The following DNAH11 variants were observed in gnomAD, a reference collection of about 807,000 sequenced individuals.
The protein encoded by DNAH11 is axonemal beta dynein heavy chain 11.
In DNAH11, 442 loss-of-function variants were observed where a neutral mutation model predicts 526.0. The observed-to-expected ratio is 0.84, with a 90% CI of 0.78 to 0.91. The LOEUF (loss-of-function observed/expected upper bound fraction) is 0.91, where lower values mean the gene tolerates loss of function less well. Ranked by LOEUF, DNAH11 falls within the 40% of genes least tolerant of loss-of-function variation. The probability of loss-of-function intolerance (pLI) is 0.00; values close to 1 mark genes in which losing one functional copy is unlikely to be tolerated. For synonymous variants in DNAH11, 2,461 were observed against 1,935.9 expected, an observed-to-expected ratio of 1.27 and a Z score of -7.12; for missense variants, 6,989 against 5,448.7, an observed-to-expected ratio of 1.28 and a Z score of -8.90.
At chr7:21,640,115 A>C (rs1203982993) in intron 28 of DNAH11, among the ~76,000 whole-genome samples, 1 of 152,226 alleles carries the variant, frequency 6.6e-6, no homozygotes, top group African/African-American at 2.4e-5. Context: ...TTTGGGCAAC[A>C]GGTTCAGGGT....
chr7:21,779,036 A>G lies in DNAH11; in HGVS notation c.9415A>G (p.Thr3139Ala). The change falls in exon 57 of 82, where the codon ACA becomes GCA. Residue 3139 changes from threonine (T) to alanine (A), a missense_variant. By Grantham distance (58) the Thr-to-Ala change is moderately conservative. Coordinates refer to ENST00000409508, the MANE Select transcript of DNAH11 (RefSeq NM_001277115.2). ...AAATCATGATGCCGAAGCTCTGATC[A>G]CAAAGATCGGCCTTCAGACGGAGAA... is the stretch of plus-strand genomic sequence containing the variant. ...LRNHDAEALI[T>A]KIGLQTEKVS... 6.2e-7 allele frequency: 1 copy of G among 1,613,544 alleles called. No individual in the cohort carries two copies. The highest frequency in any genetic ancestry group is 8.5e-7 in the Non-Finnish European group (1 of 1,179,632).
intron 21 of DNAH11, among the ~76,000 whole-genome samples, chr7:21,615,626 A>G (rs1272183009): frequency 2.6e-5 from 4 of 151,964 alleles, no homozygotes; most frequent in Non-Finnish European, 4.4e-5. Context: ...CTATGCTTAT[A>G]CTTACATGCC....
chr7:21,550,290 C>CA (rs1782972793), intron 2 of DNAH11, among the ~76,000 whole-genome samples: 2 of 152,062 alleles, frequency 1.3e-5, no homozygotes. Context: ...TCTGGCTCAG[C>CA]ACCAAGTTGC....
At chr7:21,581,221 C>G (rs73070418) in intron 8 of DNAH11, among the ~76,000 whole-genome samples, 1 of 152,176 alleles carries the variant, frequency 6.6e-6, no homozygotes, top group Non-Finnish European at 1.5e-5. Flanking sequence ...CCTGGGACTT[C>G]TTTACTGGAG....
chr7:21,573,894 G>T (rs1031552193), intron 8 of DNAH11, among the ~76,000 whole-genome samples: 1 of 152,158 alleles, frequency 6.6e-6, no homozygotes, highest in African/African-American at 2.4e-5. Flanking sequence ...TTAAAGAAAT[G>T]ATCACTGGTA....
rs1485771034 is a variant in DNAH11 at position 21,764,714 on chromosome 7, C to T, written c.8941-714C>T. 2.0e-5 allele frequency among the ~76,000 whole-genome samples: 3 copies of T among 152,196 alleles called. No individual in the cohort carries two copies. In the East Asian group the frequency reaches 5.8e-4, roughly 29 times the overall value. On this transcript the variant is annotated intron_variant, in intron 54 of 81. Transcript: ENST00000409508. ...CATAGCCAGATGTCACAGCCACCCT[C>T]AGGACTCCGACAGAATCCCTTGTGT...
At position 21,589,520 on chromosome 7, in the gene DNAH11, G is replaced by A. The variant is rs868682158; in HGVS notation, c.2169+117G>A. ...GGAAAATGTCAGAGTTGTGAGGACTGTAACTGTAAACAATTTCTTACAGGT... is the reference window on the plus strand; with the variant it reads ...GGAAAATGTCAGAGTTGTGAGGACTATAACTGTAAACAATTTCTTACAGGT... On this transcript the variant is annotated intron_variant, in intron 12 of 81. Coordinates refer to ENST00000409508, the MANE Select transcript of DNAH11 (RefSeq NM_001277115.2). 23 of 811,612 alleles carry A rather than the reference G, an allele frequency of 2.8e-5. No individual in the cohort carries two copies. The South Asian group carries it at 4.3e-4, about 15-fold the overall frequency. The allele number at this position is 811,612 out of a possible 1,614,324, so 50.3% of individuals were successfully genotyped here.
At chr7:21,597,311 G>A (rs1183202205) in intron 14 of DNAH11, among the ~76,000 whole-genome samples, 2 of 152,180 alleles carry the variant, frequency 1.3e-5, no homozygotes, top group Non-Finnish European at 2.9e-5. Context: ...TACTCTGGGA[G>A]GTCAAGAGGG....
intron 30 of DNAH11, among the ~76,000 whole-genome samples, chr7:21,667,542 A>G (rs1350440684): frequency 6.6e-6 from 1 of 152,166 alleles, no homozygotes. Flanking sequence ...AGCAGAACAA[A>G]TCCTGAAGTA....
At chr7:21,611,646 A>G (rs1785527590) in intron 20 of DNAH11, among the ~76,000 whole-genome samples, 1 of 152,220 alleles carries the variant, frequency 6.6e-6, no homozygotes, top group Non-Finnish European at 1.5e-5. Flanking sequence ...AAAAGCAAAA[A>G]TATTTTCAAA....
chr7:21,608,142 T>C (rs1785378516), intron 20 of DNAH11, among the ~76,000 whole-genome samples: 2 of 151,992 alleles, frequency 1.3e-5, no homozygotes, highest in South Asian at 2.1e-4. Flanking sequence ...CCATAACTTA[T>C]TCTTAACCCT....
chr7:21,883,143 G>A (rs1478675667), intron 75 of DNAH11, among the ~76,000 whole-genome samples: 2 of 152,192 alleles, frequency 1.3e-5, no homozygotes, highest in Non-Finnish European at 2.9e-5. Flanking sequence ...AAATAAACTT[G>A]TAGAAAAGTA....
intron 63 of DNAH11, among the ~76,000 whole-genome samples, chr7:21,808,265 A>G (rs982978258): frequency 7.9e-5 from 12 of 152,202 alleles, no homozygotes; most frequent in Non-Finnish European, 1.5e-4. Context: ...TTATTGATCT[A>G]TAATACTCAT....
At position 21,880,702 on chromosome 7, in the gene DNAH11, G is replaced by A; in HGVS notation, c.12196G>A (p.Asp4066Asn). ...LHAALYNFDQDTLEICSKEQE... is the reference protein window; with the variant it reads ...LHAALYNFDQNTLEICSKEQE... ...AAGCATTTCTTCTCTTTTTTCCCAG[G>A]ATACACTTGAAATATGCTCCAAGGA... The change falls in exon 75 of 82, where the codon GAT (aspartate) becomes AAT (asparagine). Residue 4066 changes from aspartate (D) to asparagine (N), a missense_variant and splice_region_variant. Physicochemically the swap from Asp to Asn is conservative, Grantham distance 23. Coordinates refer to ENST00000409508, the MANE Select transcript of DNAH11 (RefSeq NM_001277115.2). 2 of 1,613,214 alleles carry A rather than the reference G, an allele frequency of 1.2e-6. No homozygotes were observed. Among genetic ancestry groups the A allele is most frequent in the Non-Finnish European group, 1.7e-6 (2 of 1,179,746 alleles).
intron 36 of DNAH11, among the ~76,000 whole-genome samples, chr7:21,702,269 A>T (rs1784095497): frequency 6.6e-6 from 1 of 152,152 alleles, no homozygotes; most frequent in Non-Finnish European, 1.5e-5. Flanking sequence ...TCTGATTAAG[A>T]GGTGGAGTAA....
At chr7:21,849,894 A>G (rs1445560786) in intron 66 of DNAH11, among the ~76,000 whole-genome samples, 1 of 151,528 alleles carries the variant, frequency 6.6e-6, no homozygotes, top group Non-Finnish European at 1.5e-5. Flanking sequence ...CATTATTTCC[A>G]ATCTTTCTTC....
Position 21,838,033 on chromosome 7 carries a change from T to A in DNAH11, c.10692-4511T>A, listed in dbSNP as rs186361298. Among the ~76,000 whole-genome samples the A allele has an allele frequency of 1.5e-4, 23 of 152,330 alleles. No individual in the cohort carries two copies. The East Asian group carries it at 4.4e-3, about 29-fold the overall frequency. ...TGAAGTTAGGCTGAGTCAAAAGAAC[T>A]AGCCGTGAACTATACAGTGAATAGC... On this transcript the variant is annotated intron_variant, in intron 65 of 81. Transcript: ENST00000409508.
chr7:21,704,775 G>A, intron 38 of DNAH11, 147 bp downstream of exon 38: 1 of 882,154 alleles, frequency 1.1e-6, no homozygotes, highest in Non-Finnish European at 1.6e-6. Flanking sequence ...CATATGGCAG[G>A]ATTAAGTAAA....
Position 21,619,143 on chromosome 7 carries a change from T to C in DNAH11, c.4298T>C (p.Leu1433Ser). The stretch of plus-strand genomic sequence containing the variant: ...GAAGCCACAACTTTGGCAGATTTGT[T>C]AGCACTGCGGTTACACAGAGTGGAA... ...INEATTLADL[L>S]ALRLHRVEDD... Residue 1433 changes from leucine to serine, a missense_variant, in exon 24 of 82, where the codon TTA becomes TCA. Transcript: ENST00000409508. The C allele has an allele frequency of 6.2e-7, 1 of 1,613,698 alleles. No individual in the cohort carries two copies. The highest frequency in any genetic ancestry group is 8.5e-7 in the Non-Finnish European group (1 of 1,179,720).
Sources: gnomAD v4.1 joint callset for allele counts (sites outside exome capture counted in the v4.1 genomes callset) on GRCh38, gnomAD v4.1.1 for gene constraint, MANE v1.5 for transcripts, NCBI Gene and HGNC (gene_info 2026-07-23, HGNC 2026-07-21) for gene names.